The following COPB1 variants were observed in gnomAD, a reference collection of about 807,000 sequenced individuals.
COPB1 encodes the protein coat protein complex I subunit beta 1.
In COPB1, 21 loss-of-function variants were observed where a neutral mutation model predicts 108.7. The observed-to-expected ratio is 0.19, with a 90% CI of 0.14 to 0.28. COPB1 has a LOEUF of 0.28. Among genes scored for constraint, COPB1 ranks in the 10% least tolerant of loss-of-function variants. The probability of loss-of-function intolerance (pLI) is 1.00; values close to 1 mark genes in which losing one functional copy is unlikely to be tolerated. For synonymous variants in COPB1, 378 were observed against 386.8 expected, an observed-to-expected ratio of 0.98 and a Z score of 0.27; for missense variants, 919 against 1,141.3, an observed-to-expected ratio of 0.81 and a Z score of 2.81.
At chr11:14,494,532 C>T (rs1850975713) in intron 2 of COPB1, 93 bp from the exon 3 acceptor site, 2 of 714,078 alleles carry the variant, frequency 2.8e-6, no homozygotes, top group East Asian at 2.7e-5. Context: ...TAAAATGTAC[C>T]TTCTTACTTC....
chr11:14,489,842 A>G (rs1029653112), intron 5 of COPB1, among the ~76,000 whole-genome samples: 2 of 152,238 alleles, frequency 1.3e-5, no homozygotes, highest in Non-Finnish European at 2.9e-5. Context: ...ATCATTGAAC[A>G]CTTAAAAATG....
rs1235195156 is a variant in COPB1, at chr11:14,498,935, T to C, written c.-7A>G. On this transcript the variant is annotated 5_prime_UTR_variant, in exon 2 of 22. Coordinates refer to ENST00000439561, the MANE Select transcript of COPB1 (RefSeq NM_001144061.2). Reference sequence around the variant, plus strand: ...CGTTCTCAGCCGCCGTCATGGTTTCTGGTTATATTATAACCAATCCTTGAC... The same window carrying C: ...CGTTCTCAGCCGCCGTCATGGTTTCCGGTTATATTATAACCAATCCTTGAC... The C allele has an allele frequency of 2.5e-6, 4 of 1,604,016 alleles. No individual in the cohort carries two copies. Among genetic ancestry groups the C allele is most frequent in the Admixed American group, 3.4e-5 (2 of 58,288 alleles).
chr11:14,491,530 G>A (rs912728852), intron 4 of COPB1, among the ~76,000 whole-genome samples: 11 of 152,270 alleles, frequency 7.2e-5, no homozygotes, highest in African/African-American at 1.4e-4. Context: ...TTAGCCAGGC[G>A]TGGTAGCGCA....
intron 10 of COPB1, 146 bp downstream of exon 10, chr11:14,480,613 A>G: frequency 1.4e-6 from 1 of 715,562 alleles, no homozygotes; most frequent in Non-Finnish European, 2.2e-6. Flanking sequence ...TCTGAGTTTA[A>G]AGGTAGAGGT....
At chr11:14,486,279 C>A in intron 7 of COPB1, 88 bp downstream of exon 7, 3 of 1,457,848 alleles carry the variant, frequency 2.1e-6, no homozygotes, top group Non-Finnish European at 2.8e-6. Context: ...GCCATGTAAC[C>A]ACATAGTGAA....
intron 14 of COPB1, among the ~76,000 whole-genome samples, chr11:14,471,340 G>A (rs1036940970): frequency 5.9e-5 from 9 of 152,160 alleles, no homozygotes; most frequent in African/African-American, 1.7e-4. Flanking sequence ...TATGTTACAA[G>A]AAACTGGCTC....
intron 21 of COPB1, 41 bp downstream of exon 21, chr11:14,458,491 T>C (rs1307587195): frequency 6.4e-7 from 1 of 1,553,994 alleles, no homozygotes; most frequent in East Asian, 2.3e-5. Flanking sequence ...CTCCCCCCTT[T>C]GTCAGTCCAG....
rs925688735 is a variant in COPB1 at position 14,474,623 on chromosome 11, G to A, written c.1617-8C>T. On this transcript the variant is annotated splice_polypyrimidine_tract_variant and splice_region_variant and intron_variant, in intron 13 of 21. Transcript: ENST00000439561. ...AATCCTCTCAAGGGAGGTCTGCAAAGCAACCAAGGAAAATCAAACCCACCA... is the reference window on the plus strand; with the variant it reads ...AATCCTCTCAAGGGAGGTCTGCAAAACAACCAAGGAAAATCAAACCCACCA... The A allele has an allele frequency of 5.0e-6, 8 of 1,612,514 alleles. No homozygotes were observed. Among genetic ancestry groups the A allele is most frequent in the Non-Finnish European group, 5.1e-6 (6 of 1,179,422 alleles).
chr11:14,460,114 T>A (rs1850111373), intron 20 of COPB1, 94 bp downstream of exon 20: 1 of 751,370 alleles, frequency 1.3e-6, no homozygotes, highest in African/African-American at 1.7e-5. Flanking sequence ...GTACTGCATA[T>A]TGAATAACAA....
chr11:14,487,689 C>G (rs1286675988), intron 6 of COPB1, among the ~76,000 whole-genome samples: 1 of 148,842 alleles, frequency 6.7e-6, no homozygotes, highest in South Asian at 2.1e-4. Context: ...AAACAAAAAA[C>G]AACAAAAAAA....
chr11:14,457,987 A>G (rs1850064698), intron 21 of COPB1, 104 bp from the exon 22 acceptor site: 1 of 622,834 alleles, frequency 1.6e-6, no homozygotes. Context: ...ACCATTATCA[A>G]CAATAAAATC....
rs529361763 is a variant in COPB1, at chr11:14,493,787, T to G, written c.346A>C (p.Ile116Leu). 11 of 1,607,762 alleles carry G rather than the reference T, an allele frequency of 6.8e-6. No individual in the cohort carries two copies. In the South Asian group the frequency reaches 1.1e-4, roughly 16 times the overall value. ...AGAAAACGAAGAGTAGATCCTCGAA[T>G]AAATTCATTAGGATGTTGAAGATCC... ...RKDLQHPNEF[I>L]RGSTLRFLCK... The change falls in exon 4 of 22, where the codon ATT becomes CTT. Residue 116 changes from isoleucine (I) to leucine (L), a missense_variant. Ile to Leu is a conservative substitution (Grantham distance 5). Coordinates refer to ENST00000439561, the MANE Select transcript of COPB1 (RefSeq NM_001144061.2).
In COPB1 at chr11:14,494,457, T is replaced by TA. The variant is rs565684578; in HGVS notation, c.92-19_92-18insT. ...TCCTTTTTCTGAATCAAAAATTTTT[T>TA]TAAAAAAAAGCACAATTATTTCAAA... On this transcript the variant is annotated intron_variant, in intron 2 of 21. Transcript: ENST00000439561. 14,353 of 1,284,372 alleles carry TA rather than the reference T, an allele frequency of 0.011. 129 individuals are homozygous for TA. Among genetic ancestry groups the TA allele is most frequent in the African/African-American group, 0.027 (1,574 of 57,670 alleles). 79.6% of individuals were successfully genotyped at this position (1,284,372 alleles called of 1,614,324 possible). A position where few individuals can be genotyped will look rare whatever the true frequency, so the allele number is the denominator to read the frequency against.
chr11:14,497,045 G>T (rs946895792), intron 2 of COPB1, among the ~76,000 whole-genome samples: 21 of 152,062 alleles, frequency 1.4e-4, no homozygotes, highest in Admixed American at 3.9e-4. Context: ...AAATCAAAAT[G>T]GATTAAAGGC....
At chr11:14,474,386 T>C (rs1025724921) in intron 14 of COPB1, 109 bp downstream of exon 14, 13 of 942,066 alleles carry the variant, frequency 1.4e-5, no homozygotes, top group Non-Finnish European at 2.0e-5. Flanking sequence ...AATCATAAAC[T>C]CTTTCATGAC....
At chr11:14,491,140 G>A (rs1424372880) in intron 4 of COPB1, among the ~76,000 whole-genome samples, 1 of 151,970 alleles carries the variant, frequency 6.6e-6, no homozygotes, top group Non-Finnish European at 1.5e-5. Flanking sequence ...CCGCCTTCTA[G>A]GTCGAGTGAT....
chr11:14,492,239 A>G (rs1302838672), intron 4 of COPB1, among the ~76,000 whole-genome samples: 1 of 152,132 alleles, frequency 6.6e-6, no homozygotes, highest in African/African-American at 2.4e-5. Context: ...TGTCCTATAA[A>G]TGGCCTAATT....
intron 2 of COPB1, among the ~76,000 whole-genome samples, chr11:14,495,353 A>G (rs1216795494): frequency 2.0e-5 from 3 of 152,184 alleles, no homozygotes; most frequent in Non-Finnish European, 4.4e-5. Context: ...CCTTAGGGCC[A>G]TTATGAGGAA....
intron 10 of COPB1, 141 bp from the exon 11 acceptor site, chr11:14,479,855 G>T: frequency 1.2e-6 from 1 of 812,024 alleles, no homozygotes; most frequent in Non-Finnish European, 1.9e-6. Context: ...CCAGGCTAGA[G>T]AATAGTGGCA....
Sources: allele counts gnomAD v4.1 joint callset (sites outside exome capture counted in the v4.1 genomes callset), GRCh38; gene constraint gnomAD v4.1.1; transcripts MANE v1.5; gene names NCBI Gene and HGNC (gene_info 2026-07-23, HGNC 2026-07-21).